Variants in PSD3 observed in about 807,000 individuals in gnomAD.
PSD3 encodes pleckstrin and Sec7 domain containing 3, also known as PH and SEC7 domain-containing protein 3.
In PSD3, 49 loss-of-function variants were observed where a neutral mutation model predicts 105.5. The observed-to-expected ratio is 0.46, with a 90% CI of 0.37 to 0.59. The LOEUF is 0.59. Among genes scored for constraint, PSD3 ranks in the 20% least tolerant of loss-of-function variants. PSD3 has a pLI of 0.00. For missense variants in PSD3, 1,561 were observed against 1,263.8 expected (o/e 1.24, Z -3.57); for synonymous variants, 557 against 457.8 (o/e 1.22, Z -2.77).
chr8:18,554,049 G>A (rs1800928755), intron 15 of PSD3, among the ~76,000 whole-genome samples: 1 of 152,138 alleles, frequency 6.6e-6, no homozygotes. Flanking sequence ...GCTCTTGGTG[G>A]GTTACATTTT....
chr8:18,836,145 T>A (rs1814090302), intron 4 of PSD3, among the ~76,000 whole-genome samples: 1 of 152,158 alleles, frequency 6.6e-6, no homozygotes, highest in African/African-American at 2.4e-5. Context: ...CTGAGTGAGA[T>A]GCCAAAAAGG....
chr8:18,858,289 C>T (rs1198095904), intron 4 of PSD3, among the ~76,000 whole-genome samples: 1 of 152,164 alleles, frequency 6.6e-6, no homozygotes, highest in Non-Finnish European at 1.5e-5. Flanking sequence ...TACATACTTT[C>T]CTTTAAAAAC....
At chr8:18,580,373 C>T (rs1472957991) in intron 12 of PSD3, among the ~76,000 whole-genome samples, 2 of 152,034 alleles carry the variant, frequency 1.3e-5, no homozygotes, top group African/African-American at 4.8e-5. Context: ...ACCAAGCCCT[C>T]CCCTGATGCG....
Position 18,872,536 on chromosome 8 carries a change from C to A in PSD3, c.328G>T (p.Gly110Ter). The part of the protein sequence containing the change: ...CHSGLDSVTE[G>*]PKDVREAPSQ... Reference sequence around the variant, plus strand: ...GGGGCCTCTCTGACATCTTTTGGTCCTTCTGTAACACTGTCGAGCCCAGAG... The same window carrying A: ...GGGGCCTCTCTGACATCTTTTGGTCATTCTGTAACACTGTCGAGCCCAGAG... Residue 110 changes from glycine to a stop codon, truncating the protein, a stop_gained, in exon 3 of 16, where the codon GGA (glycine) becomes TGA (stop). Transcript: ENST00000327040. LOFTEE classifies it high-confidence loss of function. The A allele has an allele frequency of 6.2e-7, 1 of 1,614,028 alleles. No individual in the cohort carries two copies. The highest frequency in any genetic ancestry group is 8.5e-7 in the Non-Finnish European group (1 of 1,179,980).
At chr8:18,906,811 A>G (rs1282867812) in intron 2 of PSD3, among the ~76,000 whole-genome samples, 1 of 152,226 alleles carries the variant, frequency 6.6e-6, no homozygotes, top group African/African-American at 2.4e-5. Flanking sequence ...TGCATATACA[A>G]AAGATTATAT....
chr8:18,600,321 A>T, intron 12 of PSD3, 43 bp downstream of exon 12: 1 of 1,516,876 alleles, frequency 6.6e-7, no homozygotes, highest in South Asian at 1.1e-5. Context: ...TCATGTAATT[A>T]TTTCATCGAG....
chr8:19,028,299 C>CCCCCCCCTTT (rs1563517980), intron 1 of PSD3, among the ~76,000 whole-genome samples: 1 of 96,182 alleles, frequency 1.0e-5, no homozygotes, highest in Non-Finnish European at 2.0e-5. Flanking sequence ...CCGGCCCACC[C>CCCCCCCCTTT]TTTTTTTTTT....
intron 1 of PSD3, among the ~76,000 whole-genome samples, chr8:19,021,877 G>A (rs1827375088): frequency 6.6e-6 from 1 of 152,200 alleles, no homozygotes. Flanking sequence ...TTGTGAAAGG[G>A]AGGGTGGATG....
At chr8:18,645,386 T>C (rs1807955692) in intron 10 of PSD3, among the ~76,000 whole-genome samples, 1 of 152,210 alleles carries the variant, frequency 6.6e-6, no homozygotes, top group South Asian at 2.1e-4. Context: ...CTAACAAAAT[T>C]AAGTGGTCTC....
At chr8:18,621,081 T>C (rs969731450) in intron 11 of PSD3, among the ~76,000 whole-genome samples, 1 of 152,174 alleles carries the variant, frequency 6.6e-6, no homozygotes, top group Non-Finnish European at 1.5e-5. Flanking sequence ...TGCTATAAGA[T>C]TGGCAGTTTA....
At chr8:18,748,660 C>CAA (rs760372508) in intron 9 of PSD3, among the ~76,000 whole-genome samples, 3,265 of 54,358 alleles carry the variant, frequency 0.06, 146 homozygotes, top group East Asian at 0.27. Context: ...ACTCCGTCTC[C>CAA]AAAAAAAAAA....
chr8:18,608,684 C>T (rs534468206), intron 11 of PSD3, among the ~76,000 whole-genome samples: 1 of 152,138 alleles, frequency 6.6e-6, no homozygotes, highest in African/African-American at 2.4e-5. Flanking sequence ...GACAGTATCA[C>T]CCCTCTTTCA....
intron 1 of PSD3, among the ~76,000 whole-genome samples, chr8:19,001,253 T>G (rs982836364): frequency 6.6e-6 from 1 of 151,634 alleles, no homozygotes; most frequent in Admixed American, 6.6e-5. Flanking sequence ...CACCATCACA[T>G]CTGGCTAAAT....
At chr8:18,798,635 A>T (rs891460980) in intron 8 of PSD3, among the ~76,000 whole-genome samples, 2 of 152,184 alleles carry the variant, frequency 1.3e-5, no homozygotes, top group Non-Finnish European at 2.9e-5. Context: ...ATACAATCAG[A>T]ATTCGTTAAA....
intron 1 of PSD3, among the ~76,000 whole-genome samples, chr8:19,009,538 T>C (rs1168050825): frequency 1.3e-5 from 2 of 149,470 alleles, no homozygotes; most frequent in African/African-American, 5.0e-5. Context: ...AAACATTAGC[T>C]GTGATTGTAA....
chr8:18,969,008 A>C (rs1481962399), intron 1 of PSD3, among the ~76,000 whole-genome samples: 1 of 152,136 alleles, frequency 6.6e-6, no homozygotes, highest in Non-Finnish European at 1.5e-5. Flanking sequence ...AGTAGCATGT[A>C]TTGAGTTATT....
chr8:18,622,408 A>G (rs1256477005), intron 11 of PSD3, among the ~76,000 whole-genome samples: 1 of 152,210 alleles, frequency 6.6e-6, no homozygotes, highest in Non-Finnish European at 1.5e-5. Flanking sequence ...GTGTCATAAT[A>G]GGCTGTAAAC....
At chr8:18,583,302 G>A (rs1011353423) in intron 12 of PSD3, among the ~76,000 whole-genome samples, 10 of 152,194 alleles carry the variant, frequency 6.6e-5, no homozygotes, top group African/African-American at 2.4e-4. Context: ...AGTCAGGTGT[G>A]GTGGTGGTCC....
intron 9 of PSD3, among the ~76,000 whole-genome samples, chr8:18,705,933 C>T (rs751202308): frequency 3.0e-4 from 46 of 152,114 alleles, no homozygotes; most frequent in Admixed American, 5.2e-4. Flanking sequence ...ACTGCATATC[C>T]TACTCCCAAG....
Sources: gnomAD v4.1 joint callset for allele counts (sites outside exome capture counted in the v4.1 genomes callset) on GRCh38, gnomAD v4.1.1 for gene constraint, MANE v1.5 for transcripts, NCBI Gene and HGNC (gene_info 2026-07-23, HGNC 2026-07-21) for gene names.